The following FHIT variants were observed in gnomAD, a reference collection of about 807,000 sequenced individuals.
The protein encoded by FHIT is bis(5'-adenosyl)-triphosphatase.
Under a neutral mutation model 17.9 loss-of-function variants are expected in FHIT, and 19 were observed. The observed-to-expected ratio is 1.06, with a 90% CI of 0.74 to 1.56. The LOEUF is 1.56. FHIT is among the 40% of genes most tolerant of loss of function. FHIT has a pLI of 0.00. For synonymous variants in FHIT, 81 were observed against 69.7 expected, an observed-to-expected ratio of 1.16 and a Z score of -0.81; for missense variants, 248 against 189.2, an observed-to-expected ratio of 1.31 and a Z score of -1.82.
At chr3:60,259,822 G>C (rs529621084) in intron 5 of FHIT, among the ~76,000 whole-genome samples, 1 of 152,034 alleles carries the variant, frequency 6.6e-6, no homozygotes, top group Non-Finnish European at 1.5e-5. Context: ...GGAATCCAGA[G>C]TGAGGTGGAG....
At chr3:60,654,334 A>G (rs2040067067) in intron 4 of FHIT, among the ~76,000 whole-genome samples, 2 of 152,210 alleles carry the variant, frequency 1.3e-5, no homozygotes, top group Non-Finnish European at 2.9e-5. Context: ...GAAAAGAAAG[A>G]AAACCCATTC....
At chr3:60,146,071 A>C (rs1700225433) in intron 5 of FHIT, among the ~76,000 whole-genome samples, 1 of 152,200 alleles carries the variant, frequency 6.6e-6, no homozygotes, top group Admixed American at 6.5e-5. Flanking sequence ...TCATAATGGC[A>C]AAATAAATAA....
At chr3:59,837,850 T>TG (rs1553691760) in intron 8 of FHIT, among the ~76,000 whole-genome samples, 6 of 151,752 alleles carry the variant, frequency 4.0e-5, no homozygotes, top group Non-Finnish European at 8.8e-5. Flanking sequence ...GGTGGTGGTG[T>TG]GGGGGGGTGG....
chr3:59,923,221 C>CAAAAAAAAAA (rs532237239), intron 7 of FHIT, among the ~76,000 whole-genome samples: 1 of 67,456 alleles, frequency 1.5e-5, no homozygotes, highest in African/African-American at 6.4e-5. Context: ...CGAGACTCCT[C>CAAAAAAAAAA]AAAAAAAAAA....
At chr3:60,073,670 G>A (rs1030525765) in intron 5 of FHIT, among the ~76,000 whole-genome samples, 3 of 151,844 alleles carry the variant, frequency 2.0e-5, no homozygotes, top group South Asian at 2.1e-4. Flanking sequence ...ATGATCTACC[G>A]AAGTCACCCT....
chr3:59,871,584 A>G (rs1702927706), intron 8 of FHIT, among the ~76,000 whole-genome samples: 1 of 152,158 alleles, frequency 6.6e-6, no homozygotes, highest in Admixed American at 6.5e-5. Context: ...GAATAACACC[A>G]AAGTTTCATT....
intron 5 of FHIT, among the ~76,000 whole-genome samples, chr3:60,413,281 T>G (rs1477782534): frequency 6.6e-6 from 1 of 152,074 alleles, no homozygotes; most frequent in African/African-American, 2.4e-5. Context: ...ATTCAGAAAC[T>G]GTACAACTGA....
At chr3:61,029,122 G>A (rs1180760715) in intron 3 of FHIT, among the ~76,000 whole-genome samples, 1 of 152,052 alleles carries the variant, frequency 6.6e-6, no homozygotes, top group Admixed American at 6.6e-5. Flanking sequence ...CTTCTGACAG[G>A]TACTGTAAAT....
At chr3:60,654,696 CTT>C (rs1297147653) in intron 4 of FHIT, among the ~76,000 whole-genome samples, 2 of 152,102 alleles carry the variant, frequency 1.3e-5, no homozygotes. Flanking sequence ...GACACAATGT[CTT>C]TGAGTATCAC....
At chr3:60,752,901 A>G (rs2042497877) in intron 4 of FHIT, among the ~76,000 whole-genome samples, 1 of 152,200 alleles carries the variant, frequency 6.6e-6, no homozygotes, top group African/African-American at 2.4e-5. Context: ...TAGAAATTTC[A>G]AAATAGAGAT....
At chr3:60,304,360 T>G (rs925899743) in intron 5 of FHIT, among the ~76,000 whole-genome samples, 6 of 152,030 alleles carry the variant, frequency 3.9e-5, no homozygotes, top group South Asian at 2.1e-4. Context: ...AGCAAATGTA[T>G]TGGCTTATTG....
chr3:60,222,695 C>G (rs1704017377), intron 5 of FHIT, among the ~76,000 whole-genome samples: 2 of 152,134 alleles, frequency 1.3e-5, no homozygotes, highest in African/African-American at 4.8e-5. Context: ...TTAAATATAA[C>G]TTCAGTAGCA....
chr3:59,946,618 C>T (rs1179477693), intron 7 of FHIT, among the ~76,000 whole-genome samples: 6 of 152,274 alleles, frequency 3.9e-5, no homozygotes, highest in African/African-American at 1.4e-4. Context: ...GGAATGCTTC[C>T]AGCTTTTGTT....
chr3:60,859,213 C>T (rs1488494235), intron 3 of FHIT, among the ~76,000 whole-genome samples: 9 of 152,086 alleles, frequency 5.9e-5, no homozygotes, highest in African/African-American at 2.2e-4. Flanking sequence ...ACGAAGCAGA[C>T]CTGTGTTCAT....
chr3:59,901,146 T>C (rs192548526), intron 8 of FHIT, among the ~76,000 whole-genome samples: 138 of 152,380 alleles, frequency 9.1e-4, no homozygotes, highest in African/African-American at 3.1e-3. Flanking sequence ...GTCTGAACTT[T>C]AATATTCTAA....
chr3:60,214,301 T>C (rs976292531), intron 5 of FHIT, among the ~76,000 whole-genome samples: 7 of 152,194 alleles, frequency 4.6e-5, no homozygotes, highest in African/African-American at 1.7e-4. Context: ...CTTGCTGTCA[T>C]TTAAATTTCA....
chr3:60,038,382 T>C (rs1220107147), intron 5 of FHIT, among the ~76,000 whole-genome samples: 1 of 152,196 alleles, frequency 6.6e-6, no homozygotes, highest in Non-Finnish European at 1.5e-5. Flanking sequence ...ATGTTATATA[T>C]TTTATCTAAG....
At chr3:60,733,032 T>C (rs1487925589) in intron 4 of FHIT, among the ~76,000 whole-genome samples, 5 of 152,186 alleles carry the variant, frequency 3.3e-5, no homozygotes, top group African/African-American at 9.7e-5. Flanking sequence ...CTCACCCCCA[T>C]CTTTTTTTAA....
At chr3:60,358,947 TTTTC>T (rs1699785202) in intron 5 of FHIT, among the ~76,000 whole-genome samples, 1 of 152,196 alleles carries the variant, frequency 6.6e-6, no homozygotes, top group Non-Finnish European at 1.5e-5. Context: ...GGTAGATTGT[TTTTC>T]TTTGTCTATA....
Sources: allele counts gnomAD v4.1 joint callset (sites outside exome capture counted in the v4.1 genomes callset), GRCh38; gene constraint gnomAD v4.1.1; transcripts MANE v1.5; gene names NCBI Gene and HGNC (gene_info 2026-07-23, HGNC 2026-07-21).